Variants in SYNE2 observed in about 807,000 individuals in gnomAD.
The protein encoded by SYNE2 is spectrin repeat containing nuclear envelope protein 2.
In SYNE2, 431 loss-of-function variants were observed where a neutral mutation model predicts 856.3. The observed-to-expected ratio is 0.50, with a 90% CI of 0.47 to 0.55. The LOEUF (loss-of-function observed/expected upper bound fraction) is 0.55. Among genes scored for constraint, SYNE2 ranks in the 20% least tolerant of loss-of-function variants. The pLI, the probability that SYNE2 is intolerant of heterozygous loss-of-function variation, is 0.00. For missense variants in SYNE2, 8,129 were observed against 8,023.2 expected, an observed-to-expected ratio of 1.01 and a Z score of -0.50; for synonymous variants, 2,923 against 2,872.3, an observed-to-expected ratio of 1.02 and a Z score of -0.56.
At chr14:64,092,878 C>T (rs1212301976) in intron 60 of SYNE2, among the ~76,000 whole-genome samples, 2 of 152,148 alleles carry the variant, frequency 1.3e-5, no homozygotes, top group East Asian at 1.9e-4. Context: ...GAGTCTGGAC[C>T]GGGAAAACCC....
intron 1 of SYNE2, among the ~76,000 whole-genome samples, chr14:63,905,158 A>G (rs906017343): frequency 4.6e-5 from 7 of 151,754 alleles, no homozygotes; most frequent in African/African-American, 1.7e-4. Context: ...ATTTTGTTCT[A>G]TTGGTCTTTG....
chr14:64,009,313 A>G (rs944370394), intron 31 of SYNE2, among the ~76,000 whole-genome samples: 1 of 152,172 alleles, frequency 6.6e-6, no homozygotes, highest in East Asian at 1.9e-4. Flanking sequence ...AGGCAGGTGG[A>G]TCACCTGAGG....
At chr14:64,155,791 G>A (rs2098280991) in intron 85 of SYNE2, among the ~76,000 whole-genome samples, 1 of 152,138 alleles carries the variant, frequency 6.6e-6, no homozygotes, top group South Asian at 2.1e-4. Context: ...AGCCGGATGT[G>A]GTGGCATGCA....
chr14:64,189,963 A>AGTT, intron 98 of SYNE2, 108 bp from the exon 99 acceptor site: 1 of 981,840 alleles, frequency 1.0e-6, no homozygotes, highest in Non-Finnish European at 1.5e-6. Context: ...ATGCCTGGCC[A>AGTT]ATTTTTTTTT....
rs555193743 is a variant in SYNE2 at position 64,030,087 on chromosome 14, A to G, written c.6879+28A>G. Reference sequence around the variant, plus strand: ...ACTAAACGGTGTCCAGACATGATAGACATTTAAAAAAAAAAATCAGTGTTA... The same window carrying G: ...ACTAAACGGTGTCCAGACATGATAGGCATTTAAAAAAAAAAATCAGTGTTA... On this transcript the variant is annotated intron_variant, in intron 44 of 115. Coordinates refer to ENST00000555002, the MANE Select transcript of SYNE2 (RefSeq NM_182914.3). 7.9e-5 allele frequency: 128 copies of G among 1,610,148 alleles called. 2 individuals are homozygous for G. The South Asian group carries it at 1.3e-3, about 16-fold the overall frequency.
At chr14:64,024,230 T>C (rs2096960131) in intron 38 of SYNE2, 27 bp from the exon 39 acceptor site, 2 of 1,610,582 alleles carry the variant, frequency 1.2e-6, no homozygotes, top group South Asian at 1.1e-5. Context: ...GCCAGGAGAT[T>C]GTAATGGACT....
chr14:63,991,121 A>C lies in SYNE2; in HGVS notation c.2646+6A>C. The C allele has an allele frequency of 6.2e-7, 1 of 1,613,956 alleles. No homozygotes were observed. The highest frequency in any genetic ancestry group is 2.2e-5 in the East Asian group (1 of 44,864). ...AACTCATTTCAAAACACAAGGTGGGAATCTTTTCAACCATCAAATGTAGGA... is the reference window on the plus strand; with the variant it reads ...AACTCATTTCAAAACACAAGGTGGGCATCTTTTCAACCATCAAATGTAGGA... On this transcript the variant is annotated splice_donor_region_variant and intron_variant, in intron 21 of 115. Coordinates refer to ENST00000555002, the MANE Select transcript of SYNE2 (RefSeq NM_182914.3).
chr14:63,814,550 A>G (rs1337597322), intron 1 of SYNE2, among the ~76,000 whole-genome samples: 1 of 139,196 alleles, frequency 7.2e-6, no homozygotes, highest in Non-Finnish European at 1.5e-5. Flanking sequence ...ATATATATCC[A>G]TTATATATAA....
chr14:64,138,322 C>A (rs2098112660), intron 79 of SYNE2, among the ~76,000 whole-genome samples: 1 of 152,008 alleles, frequency 6.6e-6, no homozygotes. Context: ...ACCTTGAACT[C>A]CTGGACTCAA....
chr14:64,162,344 T>C (rs768988322), intron 88 of SYNE2, 68 bp downstream of exon 88: 38 of 1,512,042 alleles, frequency 2.5e-5, no homozygotes, highest in Non-Finnish European at 3.3e-5. Flanking sequence ...GGGACAGCCA[T>C]GACCTGGGGA....
rs1342620395 is a variant in SYNE2 at position 64,126,455 on chromosome 14, T to G, written c.13683T>G (p.Gly4561=). The G allele has an allele frequency of 6.2e-7, 1 of 1,614,120 alleles. No homozygotes were observed. The highest frequency in any genetic ancestry group is 8.5e-7 in the Non-Finnish European group (1 of 1,180,014). The stretch of plus-strand genomic sequence containing the variant: ...TGCCCAGACTTTACAGGGAGGATGG[T>G]TCTGGCCAGCAGGTGCACTACGAGG... ...LEMPRLYRED[G]SGQQVHYETL... Residue 4561 remains glycine, a synonymous_variant, in exon 72 of 116, where the codon GGT becomes GGG. Coordinates refer to ENST00000555002, the MANE Select transcript of SYNE2 (RefSeq NM_182914.3).
intron 82 of SYNE2, among the ~76,000 whole-genome samples, chr14:64,142,539 C>T (rs2098147126): frequency 6.6e-6 from 1 of 152,130 alleles, no homozygotes. Context: ...GTTTGCAAAT[C>T]CACCCCTGAC....
chr14:64,072,326 T>A (rs544221275), intron 52 of SYNE2, among the ~76,000 whole-genome samples: 2 of 152,300 alleles, frequency 1.3e-5, no homozygotes, highest in Admixed American at 6.5e-5. Context: ...TGACACCATG[T>A]TGGTTATGGG....
At chr14:64,030,847 C>T (rs2097028568) in intron 44 of SYNE2, among the ~76,000 whole-genome samples, 169 bp from the exon 45 acceptor site, 1 of 152,088 alleles carries the variant, frequency 6.6e-6, no homozygotes, top group Admixed American at 6.5e-5. Flanking sequence ...GAATTTGATC[C>T]AAGATGCAGC....
Position 64,052,490 on chromosome 14 carries a change from C to T in SYNE2, c.8577C>T (p.Pro2859=). 1.2e-6 allele frequency: 2 copies of T among 1,613,910 alleles called. No homozygotes were observed. Among genetic ancestry groups the T allele is most frequent in the Non-Finnish European group, 1.7e-6 (2 of 1,179,902 alleles). ...AAGAAAGTGAAACACTGATAATTCC[C>T]AGGGTGGAGACAGCTGCCACGGAAG... ...MVQESETLII[P]RVETAATEAE... Residue 2859 remains proline (P), a synonymous_variant, in exon 48 of 116, where the codon CCC becomes CCT. Coordinates refer to ENST00000555002, the MANE Select transcript of SYNE2 (RefSeq NM_182914.3).
At chr14:63,798,632 G>A (rs1888013496) in intron 1 of SYNE2, among the ~76,000 whole-genome samples, 1 of 151,958 alleles carries the variant, frequency 6.6e-6, no homozygotes, top group Non-Finnish European at 1.5e-5. Context: ...GACCTCAAGT[G>A]ATCCACCTGC....
At chr14:64,170,147 A>T (rs1001170962) in intron 93 of SYNE2, 81 bp from the exon 94 acceptor site, 15 of 1,330,046 alleles carry the variant, frequency 1.1e-5, no homozygotes, top group Non-Finnish European at 1.6e-5. Flanking sequence ...TAAAAACTGA[A>T]TCTGAGCTGC....
intron 51 of SYNE2, among the ~76,000 whole-genome samples, chr14:64,067,842 G>A (rs1369036350): frequency 1.3e-5 from 2 of 152,112 alleles, no homozygotes; most frequent in African/African-American, 2.4e-5. Context: ...CTAGAAGAAC[G>A]TCACATTGTC....
At chr14:63,812,165 A>G (rs537328424) in intron 1 of SYNE2, among the ~76,000 whole-genome samples, 2 of 151,780 alleles carry the variant, frequency 1.3e-5, no homozygotes, top group African/African-American at 4.8e-5. Flanking sequence ...TAAGACAGAC[A>G]CTCCCAGAGC....
Sources: gnomAD v4.1 joint callset for allele counts (sites outside exome capture counted in the v4.1 genomes callset) on GRCh38, gnomAD v4.1.1 for gene constraint, MANE v1.5 for transcripts, NCBI Gene and HGNC (gene_info 2026-07-23, HGNC 2026-07-21) for gene names.